HMCN2: variants seen among roughly 807,000 people sequenced by gnomAD.
The protein encoded by HMCN2 is hemicentin-2.
Under a neutral mutation model 377.5 loss-of-function variants are expected in HMCN2, and 325 were observed. The observed-to-expected ratio is 0.86, with a 90% CI of 0.79 to 0.94. The LOEUF (loss-of-function observed/expected upper bound fraction) is 0.94. HMCN2 is among the 40% of genes least tolerant of loss of function. HMCN2 has a pLI of 0.00. For missense variants in HMCN2, 4,543 were observed against 4,725.3 expected (o/e 0.96, Z 1.13); for synonymous variants, 2,007 against 2,046.8 (o/e 0.98, Z 0.53).
At chr9:130,327,791 G>C (rs1838220955) in intron 22 of HMCN2, among the ~76,000 whole-genome samples, 1 of 152,200 alleles carries the variant, frequency 6.6e-6, no homozygotes, top group South Asian at 2.1e-4. Flanking sequence ...CAGGGAGTGA[G>C]CTGCTCGCCA....
rs1844890920 is a variant in HMCN2, at chr9:130,433,468, C to T, written c.15015C>T (p.Ala5005=). 4 of 1,500,502 alleles carry T rather than the reference C, an allele frequency of 2.7e-6. No homozygotes were observed. Among genetic ancestry groups the T allele is most frequent in the Non-Finnish European group, 3.5e-6 (4 of 1,132,694 alleles). The allele number at this position is 1,500,502 out of a possible 1,614,324, so 92.9% of individuals were successfully genotyped here. A position where few individuals can be genotyped will look rare whatever the true frequency, so the allele number is the denominator to read the frequency against. ...RAHHDVARLT[A]FSEVGVPANR... ...ACCACGACGTGGCCCGCCTCACCGCCTTCTCCGAGGTCGGCGTCCCCGCCA... is the reference window on the plus strand; with the variant it reads ...ACCACGACGTGGCCCGCCTCACCGCTTTCTCCGAGGTCGGCGTCCCCGCCA... Residue 5005 remains alanine, a synonymous_variant, in exon 98 of 98, where the codon GCC becomes GCT. Transcript: ENST00000683500.
rs12348300 is a variant in HMCN2, at chr9:130,427,721, C to A, written c.14065+102C>A. Reference sequence around the variant, plus strand: ...CAGGACCCTGGCTGGGGACACAGACCTGCAGGGATGGCCAATTCTTGAGGG... The same window carrying A: ...CAGGACCCTGGCTGGGGACACAGACATGCAGGGATGGCCAATTCTTGAGGG... On this transcript the variant is annotated intron_variant, in intron 92 of 97. Coordinates refer to ENST00000683500, the MANE Select transcript of HMCN2 (RefSeq NM_001291815.2). 382 of 1,379,494 alleles carry A rather than the reference C, an allele frequency of 2.8e-4. 1 individual carries two copies. The African/African-American group carries it at 5.3e-3, about 19-fold the overall frequency. The allele number at this position is 1,379,494 out of a possible 1,614,324, so 85.5% of individuals were successfully genotyped here.
In HMCN2 at chr9:130,403,384, A is replaced by AGG. The variant is rs143926040; in HGVS notation, c.12013+62_12013+63dup. 8 of 1,281,702 alleles carry AGG rather than the reference A, an allele frequency of 6.2e-6. No homozygotes were observed. The African/African-American group carries it at 7.6e-5, about 12-fold the overall frequency. The allele number at this position is 1,281,702 out of a possible 1,614,324, so 79.4% of individuals were successfully genotyped here. A position where few individuals can be genotyped will look rare whatever the true frequency, so the allele number is the denominator to read the frequency against. On this transcript the variant is annotated intron_variant, in intron 79 of 97. Transcript: ENST00000683500. ...GGAAGAGAAGAGCGTGGGTCTGGGC[A>AGG]GGGGGGGAGTCCTGCTTCCTGCCCT...
At chr9:130,321,212 A>G (rs1312999805) in intron 18 of HMCN2, among the ~76,000 whole-genome samples, 5 of 152,082 alleles carry the variant, frequency 3.3e-5, no homozygotes, top group Non-Finnish European at 5.9e-5. Context: ...CCCAGTCTCA[A>G]TGCAGTGGTC....
intron 29 of HMCN2, among the ~76,000 whole-genome samples, chr9:130,350,703 G>A (rs1839663519): frequency 6.8e-6 from 1 of 146,650 alleles, no homozygotes; most frequent in South Asian, 2.3e-4. Flanking sequence ...TGGCTAACAC[G>A]GTGAAACCTC....
chr9:130,296,534 A>C (rs1183316124), intron 6 of HMCN2, 140 bp from the exon 7 acceptor site: 2 of 373,340 alleles, frequency 5.4e-6, no homozygotes, highest in African/African-American at 4.2e-5. Context: ...CCTTGGGAGG[A>C]GGTAAGTTGC....
intron 5 of HMCN2, 135 bp downstream of exon 5, chr9:130,295,161 G>A (rs1287974765): frequency 2.4e-5 from 7 of 290,638 alleles, no homozygotes; most frequent in Non-Finnish European, 4.9e-5. Context: ...TATGGGGTGG[G>A]GGGGACACGA....
chr9:130,355,496 G>A (rs564782457), intron 32 of HMCN2, among the ~76,000 whole-genome samples: 72 of 152,322 alleles, frequency 4.7e-4, no homozygotes, highest in South Asian at 2.9e-3. Flanking sequence ...AAGGCCAACC[G>A]GACTCCTGAG....
Position 130,365,643 on chromosome 9 carries a change from G to T in HMCN2, c.6421G>T (p.Asp2141Tyr). The T allele has an allele frequency of 1.0e-6, 1 of 985,972 alleles. No individual in the cohort carries two copies. Among genetic ancestry groups the T allele is most frequent in the Non-Finnish European group, 1.2e-6 (1 of 830,024 alleles). 61.1% of individuals were successfully genotyped at this position (985,972 alleles called of 1,614,324 possible). A position where few individuals can be genotyped will look rare whatever the true frequency, so the allele number is the denominator to read the frequency against. ...DKALLQVDRADVWDAGHYTCE... is the reference protein window; with the variant it reads ...DKALLQVDRAYVWDAGHYTCE... ...TGCTCTCTGCCAGGTGGACAGAGCC[G>T]ATGTGTGGGATGCGGGCCATTACAC... The change falls in exon 42 of 98, where the codon GAT becomes TAT. Residue 2141 changes from aspartate (D) to tyrosine (Y), a missense_variant. Physicochemically the swap from Asp to Tyr is radical, Grantham distance 160. Transcript: ENST00000683500.
chr9:130,289,341 G>C (rs182592170), intron 4 of HMCN2, among the ~76,000 whole-genome samples: 1 of 152,112 alleles, frequency 6.6e-6, no homozygotes, highest in Non-Finnish European at 1.5e-5. Context: ...GGCGGAAGAT[G>C]GGGGGGTGAG....
rs1840993766 is a variant in HMCN2 at position 130,371,078 on chromosome 9, G to A, written c.7184G>A (p.Trp2395Ter). ...GGGATCCCACCTCCAGCCATCCGCT[G>A]GTTCCGAGGGGAGGAGCCTGTCAGC... ...AMGIPPPAIR[W>*]FRGEEPVSPG... Residue 2395 changes from tryptophan to a stop codon, truncating the protein, a stop_gained, in exon 46 of 98, where the codon TGG (tryptophan) becomes TAG (stop). Coordinates refer to ENST00000683500, the MANE Select transcript of HMCN2 (RefSeq NM_001291815.2). LOFTEE classifies it high-confidence loss of function. 4 of 985,938 alleles carry A rather than the reference G, an allele frequency of 4.1e-6. No individual in the cohort carries two copies. Among genetic ancestry groups the A allele is most frequent in the Non-Finnish European group, 4.8e-6 (4 of 830,010 alleles). 61.1% of individuals were successfully genotyped at this position (985,938 alleles called of 1,614,324 possible).
chr9:130,396,432 G>A, intron 73 of HMCN2, 119 bp downstream of exon 73: 3 of 809,136 alleles, frequency 3.7e-6, no homozygotes, highest in South Asian at 1.7e-5. Flanking sequence ...GACGTGGGGT[G>A]TCTCAGAACA....
intron 79 of HMCN2, 87 bp from the exon 80 acceptor site, chr9:130,403,654 C>A: frequency 8.3e-7 from 1 of 1,202,156 alleles, no homozygotes; most frequent in Admixed American, 2.7e-5. Flanking sequence ...TCATTTGCTG[C>A]CTGTGAGACA....
rs1588442043 is a variant in HMCN2 at position 130,424,904 on chromosome 9, T to G, written c.13510T>G (p.Phe4504Val). ...GRFRQESHVEFATGELLTMTQ... is the reference protein window; with the variant it reads ...GRFRQESHVEVATGELLTMTQ... ...GTTCCGGCAGGAGTCACACGTGGAG[T>G]TTGCTACAGGTAAACAGGGCCTCCC... The change falls in exon 88 of 98, where the codon TTT (phenylalanine) becomes GTT (valine). Residue 4504 changes from phenylalanine to valine, a missense_variant. Phe to Val is a conservative substitution (Grantham distance 50, BLOSUM62 -1). Transcript: ENST00000683500. 6.9e-7 allele frequency: 1 copy of G among 1,455,226 alleles called. No homozygotes were observed. The highest frequency in any genetic ancestry group is 9.1e-7 in the Non-Finnish European group (1 of 1,098,040). The allele number at this position is 1,455,226 out of a possible 1,614,324, so 90.1% of individuals were successfully genotyped here.
At chr9:130,358,940 C>A (rs1159359517) in intron 36 of HMCN2, among the ~76,000 whole-genome samples, 1 of 152,232 alleles carries the variant, frequency 6.6e-6, no homozygotes, top group Non-Finnish European at 1.5e-5. Flanking sequence ...TCCCAAAGTG[C>A]TGGGATCACA....
chr9:130,433,578 AC>A lies in HMCN2; in HGVS notation c.15126del (p.Tyr5042Ter). 2 of 1,507,568 alleles carry A rather than the reference AC, an allele frequency of 1.3e-6. No homozygotes were observed. The highest frequency in any genetic ancestry group is 2.5e-5 in the South Asian group (2 of 79,186). 93.4% of individuals were successfully genotyped at this position (1,507,568 alleles called of 1,614,324 possible). Reference sequence around the variant, plus strand: ...CTGCGCGCGGGCCTTGGCGCGGTCTACACCCGTCGCGCGCTCACCCGCGCCG... The same window carrying A: ...CTGCGCGCGGGCCTTGGCGCGGTCTAACCCGTCGCGCGCTCACCCGCGCCG... The part of the protein sequence containing the change: ...RPLRAGLGAV[Y>X]TRRALTRAGL... On this transcript the variant is annotated frameshift_variant, in exon 98 of 98. Coordinates refer to ENST00000683500, the MANE Select transcript of HMCN2 (RefSeq NM_001291815.2). LOFTEE classifies it high-confidence loss of function.
At chr9:130,431,009 G>A (rs1166660781) in intron 95 of HMCN2, 1 of 407,932 alleles carries the variant, frequency 2.5e-6, no homozygotes, top group African/African-American at 2.0e-5. Flanking sequence ...CTGCTGGGTA[G>A]AGGGGGGTGG....
chr9:130,343,512 G>A (rs1448915870), intron 25 of HMCN2, among the ~76,000 whole-genome samples: 2 of 152,148 alleles, frequency 1.3e-5, no homozygotes, highest in South Asian at 2.1e-4. Context: ...CAGAGCTGCC[G>A]ACCTGCCCAC....
In HMCN2 at chr9:130,389,550, G is replaced by A. The variant is rs567779572; in HGVS notation, c.9523+1010G>A. Among the ~76,000 whole-genome samples the A allele has an allele frequency of 1.1e-4, 16 of 151,450 alleles. No homozygotes were observed. In the East Asian group the frequency reaches 1.9e-3, roughly 18 times the overall value. On this transcript the variant is annotated intron_variant, in intron 62 of 97. Transcript: ENST00000683500. Reference sequence around the variant, plus strand: ...CTTAGCGTGTTTTCAAGTTTCATCCGTGTTGTAGCATGGATCAGTACTTCA... The same window carrying A: ...CTTAGCGTGTTTTCAAGTTTCATCCATGTTGTAGCATGGATCAGTACTTCA...
Sources: allele counts gnomAD v4.1 joint callset (sites outside exome capture counted in the v4.1 genomes callset), GRCh38; gene constraint gnomAD v4.1.1; transcripts MANE v1.5; gene names NCBI Gene and HGNC (gene_info 2026-07-23, HGNC 2026-07-21).